DCDC1: variants seen among roughly 807,000 people sequenced by gnomAD.
DCDC1 encodes the protein doublecortin domain-containing protein 1.
Under a neutral mutation model 178.3 loss-of-function variants are expected in DCDC1, and 200 were observed. That is an observed-to-expected ratio of 1.12 (90% CI 1.00 to 1.26). The LOEUF is 1.26. DCDC1 is among the 50% of genes most tolerant of loss of function. The probability of loss-of-function intolerance (pLI) is 0.00; values close to 1 mark genes in which losing one functional copy is unlikely to be tolerated. For missense variants in DCDC1, 1,983 were observed against 1,749.2 expected (o/e 1.13, Z -2.38); for synonymous variants, 690 against 604.8 (o/e 1.14, Z -2.07).
intron 38 of DCDC1, among the ~76,000 whole-genome samples, chr11:30,866,333 G>A (rs990687058): frequency 4.6e-5 from 7 of 152,130 alleles, no homozygotes; most frequent in African/African-American, 1.7e-4. Flanking sequence ...CGGCAGATTT[G>A]GTGTCTAGTG....
intron 3 of DCDC1, among the ~76,000 whole-genome samples, chr11:31,324,153 C>T (rs1242538619): frequency 1.3e-5 from 2 of 151,954 alleles, no homozygotes; most frequent in Non-Finnish European, 2.9e-5. Flanking sequence ...TATGTTCAAA[C>T]TACATATATA....
intron 34 of DCDC1, among the ~76,000 whole-genome samples, chr11:30,894,969 G>C (rs565870456): frequency 6.6e-6 from 1 of 152,216 alleles, no homozygotes; most frequent in Admixed American, 6.5e-5. Context: ...GTATTCTAAA[G>C]AATCACAGGC....
intron 11 of DCDC1, among the ~76,000 whole-genome samples, chr11:31,119,209 C>T (rs1270117097): frequency 6.6e-6 from 1 of 152,136 alleles, no homozygotes; most frequent in African/African-American, 2.4e-5. Flanking sequence ...CAATATTTTC[C>T]TACTATCGTA....
chr11:31,188,360 CA>C (rs901159603), intron 9 of DCDC1, among the ~76,000 whole-genome samples: 1 of 152,004 alleles, frequency 6.6e-6, no homozygotes, highest in Admixed American at 6.6e-5. Context: ...TTCATTCATT[CA>C]AAAAAATGAA....
intron 9 of DCDC1, among the ~76,000 whole-genome samples, chr11:31,192,825 G>T (rs1166762682): frequency 1.3e-5 from 2 of 152,070 alleles, no homozygotes; most frequent in African/African-American, 4.8e-5. Context: ...GACAGTTTCA[G>T]GAAGAGATTT....
At chr11:31,111,480 T>C (rs1166638696) in intron 11 of DCDC1, among the ~76,000 whole-genome samples, 1 of 152,136 alleles carries the variant, frequency 6.6e-6, no homozygotes, top group African/African-American at 2.4e-5. Flanking sequence ...GTGACGTTCA[T>C]TGAGCTACTG....
chr11:30,871,091 G>C (rs1941507413), intron 38 of DCDC1, among the ~76,000 whole-genome samples: 2 of 152,146 alleles, frequency 1.3e-5, no homozygotes, highest in South Asian at 4.1e-4. Flanking sequence ...CCTTCTGTTA[G>C]AAGACACAAA....
chr11:31,084,096 G>C (rs1024512067), intron 17 of DCDC1, among the ~76,000 whole-genome samples: 1 of 151,976 alleles, frequency 6.6e-6, no homozygotes, highest in Non-Finnish European at 1.5e-5. Context: ...TATTAAAAGG[G>C]AAAATACACA....
intron 9 of DCDC1, among the ~76,000 whole-genome samples, chr11:31,146,034 TG>T (rs1301530738): frequency 1.3e-5 from 2 of 152,046 alleles, no homozygotes; most frequent in Non-Finnish European, 2.9e-5. Context: ...GCAAAATAAC[TG>T]AATGTCTAAA....
chr11:31,367,140 A>T (rs1392945913), intron 1 of DCDC1, among the ~76,000 whole-genome samples: 1 of 152,174 alleles, frequency 6.6e-6, no homozygotes, highest in Non-Finnish European at 1.5e-5. Context: ...TACAAAAAAA[A>T]ATACAAACAT....
Position 31,110,271 on chromosome 11 carries a change from T to C in DCDC1, c.1576A>G (p.Met526Val). ...GSDSPIQTDHMMERLLLKIHQ... is the reference protein window; with the variant it reads ...GSDSPIQTDHVMERLLLKIHQ... ...GTCAGTAAACTCACTCTTTCCATCA[T>C]ATGGTCAGTTTGAATTGGGCTATCC... is the stretch of plus-strand genomic sequence containing the variant. The change falls in exon 12 of 39, where the codon ATG becomes GTG. Residue 526 changes from methionine (M) to valine (V), a missense_variant. Coordinates refer to ENST00000684477, the MANE Select transcript of DCDC1 (RefSeq NM_001387274.1). 1 of 716,222 alleles carries C rather than the reference T, an allele frequency of 1.4e-6. No individual in the cohort carries two copies. The highest frequency in any genetic ancestry group is 2.6e-6 in the Non-Finnish European group (1 of 390,108). 44.4% of individuals were successfully genotyped at this position (716,222 alleles called of 1,614,324 possible). A position where few individuals can be genotyped will look rare whatever the true frequency, so the allele number is the denominator to read the frequency against.
intron 9 of DCDC1, among the ~76,000 whole-genome samples, chr11:31,206,654 C>T (rs1971904453): frequency 6.6e-6 from 1 of 152,042 alleles, no homozygotes. Flanking sequence ...ACCTTGTGAT[C>T]CGCCCCCCTC....
intron 20 of DCDC1, among the ~76,000 whole-genome samples, chr11:31,011,870 A>G (rs1158121043): frequency 6.6e-6 from 1 of 152,236 alleles, no homozygotes; most frequent in Non-Finnish European, 1.5e-5. Flanking sequence ...TATATTTGTT[A>G]TCTGATACGG....
intron 26 of DCDC1, 49 bp downstream of exon 26, chr11:30,916,821 A>C: frequency 1.3e-6 from 2 of 1,526,352 alleles, no homozygotes; most frequent in South Asian, 2.8e-5. Context: ...AGGTGAGAAA[A>C]CTAACACTAG....
rs180853627 is a variant in DCDC1, at chr11:31,108,108, A to G, written c.1588-1148T>C. The stretch of plus-strand genomic sequence containing the variant: ...TGGCTGTAAACTCTTGACTGAGCAA[A>G]TATTTCTTTTGACCAGAAACTGCAT... On this transcript the variant is annotated intron_variant, in intron 12 of 38. Transcript: ENST00000684477. Among the ~76,000 whole-genome samples the G allele has an allele frequency of 1.2e-3, 178 of 152,306 alleles. 1 individual carries two copies. The highest frequency in any genetic ancestry group is 3.7e-3 in the African/African-American group (154 of 41,568).
At chr11:31,335,905 T>C (rs940801331) in intron 1 of DCDC1, among the ~76,000 whole-genome samples, 3 of 152,108 alleles carry the variant, frequency 2.0e-5, no homozygotes, top group Non-Finnish European at 4.4e-5. Flanking sequence ...CTAAGGAAAA[T>C]ATATTACTTT....
chr11:31,270,314 C>T (rs897313821), intron 7 of DCDC1, among the ~76,000 whole-genome samples: 1 of 152,206 alleles, frequency 6.6e-6, no homozygotes, highest in Admixed American at 6.5e-5. Context: ...AAAACAGCCA[C>T]ATTTGATCAT....
At chr11:31,091,352 T>C (rs1957810514) in intron 17 of DCDC1, 41 bp downstream of exon 17, 2 of 698,394 alleles carry the variant, frequency 2.9e-6, no homozygotes, top group Admixed American at 2.0e-5. Flanking sequence ...TTCTTGAAAT[T>C]AGCATTTATT....
In DCDC1 at chr11:31,356,407, C is replaced by T. The variant is rs552034693; in HGVS notation, c.-125+13290G>A. Among the ~76,000 whole-genome samples, 15 of 152,152 alleles carry T rather than the reference C, an allele frequency of 9.9e-5. No homozygotes were observed. The South Asian group carries it at 2.3e-3, about 23-fold the overall frequency. The stretch of plus-strand genomic sequence containing the variant: ...AACCAACGAGAACAAAGACACAACA[C>T]ACCAGAATGTCTGGGACACATTCAA... On this transcript the variant is annotated intron_variant, in intron 1 of 38. Coordinates refer to ENST00000684477, the MANE Select transcript of DCDC1 (RefSeq NM_001387274.1).
Sources: allele counts gnomAD v4.1 joint callset (sites outside exome capture counted in the v4.1 genomes callset), GRCh38; gene constraint gnomAD v4.1.1; transcripts MANE v1.5; gene names NCBI Gene and HGNC (gene_info 2026-07-23, HGNC 2026-07-21).